The following SMYD3 variants were observed in gnomAD, a reference collection of about 807,000 sequenced individuals.
The protein encoded by SMYD3 is SET and MYND domain containing 3.
SMYD3 carries 36 observed loss-of-function variants against 57.7 expected under a neutral mutation model. The ratio of observed to expected loss-of-function variants is 0.62; its 90% CI spans 0.48 to 0.82. The LOEUF (loss-of-function observed/expected upper bound fraction) is 0.82, where lower values mean the gene tolerates loss of function less well. Among genes scored for constraint, SMYD3 ranks in the 40% least tolerant of loss-of-function variants. The probability of loss-of-function intolerance (pLI) is 0.00; values close to 1 mark genes in which losing one functional copy is unlikely to be tolerated. For synonymous variants in SMYD3, 211 were observed against 195.0 expected (o/e 1.08, Z -0.68); for missense variants, 515 against 538.8 (o/e 0.96, Z 0.44).
intron 5 of SMYD3, among the ~76,000 whole-genome samples, chr1:246,236,914 C>T (rs888005499): frequency 6.6e-6 from 1 of 152,142 alleles, no homozygotes; most frequent in Non-Finnish European, 1.5e-5. Flanking sequence ...CCAAACCAAG[C>T]GAGAGACAAG....
At chr1:245,927,559 C>A (rs1197875347) in intron 7 of SMYD3, among the ~76,000 whole-genome samples, 1 of 149,800 alleles carries the variant, frequency 6.7e-6, no homozygotes, top group Non-Finnish European at 1.5e-5. Flanking sequence ...AGCTGGGATG[C>A]CCCCCCCTGC....
chr1:246,326,723 C>T (rs2065359630), intron 5 of SMYD3: 1 of 284,780 alleles, frequency 3.5e-6, no homozygotes. Flanking sequence ...GAGATCGCAC[C>T]ACTACACTCA....
chr1:246,072,231 T>A lies in SMYD3; in HGVS notation c.532-142294A>T, dbSNP rs71533454. On this transcript the variant is annotated intron_variant, in intron 5 of 11. Transcript: ENST00000490107. ...TTTCCACTGTGCTCACTGTGGATGCTTCCTGTTAGTTCTGGGGAGGGATTC... is the reference window on the plus strand; with the variant it reads ...TTTCCACTGTGCTCACTGTGGATGCATCCTGTTAGTTCTGGGGAGGGATTC... Among the ~76,000 whole-genome samples, 40 of 101,172 alleles carry A rather than the reference T, an allele frequency of 4.0e-4. 1 individual carries two copies. The highest frequency in any genetic ancestry group is 2.2e-3 in the East Asian group (9 of 4,022). The allele number at this position is 101,172 out of a possible 152,430, so 66.4% of individuals were successfully genotyped here.
intron 1 of SMYD3, among the ~76,000 whole-genome samples, chr1:246,449,046 A>G (rs2103027314): frequency 6.6e-6 from 1 of 152,246 alleles, no homozygotes; most frequent in Admixed American, 6.5e-5. Flanking sequence ...TGGGAAACAT[A>G]GTGAGACCCA....
At chr1:245,927,681 TCA>T (rs2056466795) in intron 7 of SMYD3, among the ~76,000 whole-genome samples, 1 of 152,168 alleles carries the variant, frequency 6.6e-6, no homozygotes, top group Non-Finnish European at 1.5e-5. Context: ...CCTCTCTCTC[TCA>T]CACACAGGAC....
rs570202436 is a variant in SMYD3 at position 246,252,996 on chromosome 1, C to T, written c.531+74205G>A. Among the ~76,000 whole-genome samples, 11 of 152,270 alleles carry T rather than the reference C, an allele frequency of 7.2e-5. No homozygotes were observed. In the South Asian group the frequency reaches 2.3e-3, roughly 32 times the overall value. ...CATGTGATGGCAATACTCAACCAAA[C>T]ATGTATTTCAAATGATATGTTATTT... On this transcript the variant is annotated intron_variant, in intron 5 of 11. Coordinates refer to ENST00000490107, the MANE Select transcript of SMYD3 (RefSeq NM_001167740.2).
At chr1:246,017,101 T>TA (rs2059390726) in intron 5 of SMYD3, among the ~76,000 whole-genome samples, 1 of 152,224 alleles carries the variant, frequency 6.6e-6, no homozygotes, top group South Asian at 2.1e-4. Context: ...TTCTGATACA[T>TA]ACTGTTGCCA....
chr1:246,038,480 C>T (rs2059815111), intron 5 of SMYD3, among the ~76,000 whole-genome samples: 1 of 152,192 alleles, frequency 6.6e-6, no homozygotes, highest in South Asian at 2.1e-4. Context: ...GAGCGAGCAT[C>T]CTGGTGGGAG....
intron 1 of SMYD3, among the ~76,000 whole-genome samples, chr1:246,360,697 GAAAGGACACCCTATTCAAC>G (rs1414376352): frequency 1.3e-5 from 2 of 152,154 alleles, no homozygotes; most frequent in Non-Finnish European, 2.9e-5. Context: ...ATAAAGTAGG[GAAAGGACACCCTATTCAAC>G]AAATAGTGCT....
At chr1:245,827,549 G>A (rs983300760) in intron 10 of SMYD3, among the ~76,000 whole-genome samples, 3 of 152,092 alleles carry the variant, frequency 2.0e-5, no homozygotes, top group Admixed American at 6.5e-5. Context: ...ACGCACTCCC[G>A]GTATTTCGCT....
intron 11 of SMYD3, among the ~76,000 whole-genome samples, chr1:245,758,947 C>T (rs906142494): frequency 2.6e-5 from 4 of 152,222 alleles, no homozygotes; most frequent in East Asian, 1.9e-4. Context: ...CTGCTTTAGC[C>T]GGCTTTCTCT....
intron 5 of SMYD3, among the ~76,000 whole-genome samples, chr1:246,005,627 G>C (rs1158320943): frequency 2.6e-5 from 4 of 152,224 alleles, no homozygotes; most frequent in Non-Finnish European, 5.9e-5. Context: ...TCTGCAGAGA[G>C]TCATATGGGC....
At chr1:246,016,131 C>A (rs898417428) in intron 5 of SMYD3, among the ~76,000 whole-genome samples, 4 of 151,852 alleles carry the variant, frequency 2.6e-5, no homozygotes, top group Non-Finnish European at 5.9e-5. Context: ...GCCAGGCACT[C>A]TGGCTCACGC....
At chr1:246,262,830 T>C (rs1156263437) in intron 5 of SMYD3, among the ~76,000 whole-genome samples, 2 of 152,138 alleles carry the variant, frequency 1.3e-5, no homozygotes, top group Non-Finnish European at 2.9e-5. Context: ...TGTTAAAACA[T>C]GTATTTTAAA....
chr1:246,186,599 A>G, intron 5 of SMYD3: 1 of 243,150 alleles, frequency 4.1e-6, no homozygotes, highest in Non-Finnish European at 6.6e-6. Context: ...TTAATTGCTA[A>G]CTTTCTGAAA....
Position 246,202,954 on chromosome 1 carries a change from G to A in SMYD3, c.531+124247C>T, listed in dbSNP as rs1299561841. Among the ~76,000 whole-genome samples, 3 of 151,944 alleles carry A rather than the reference G, an allele frequency of 2.0e-5. No homozygotes were observed. The highest frequency in any genetic ancestry group is 7.2e-5 in the African/African-American group (3 of 41,380). ...CAGCCTGGCCAATATGGGAAAACCC[G>A]TCTCTACTAAAAATACAAAATTTAG... On this transcript the variant is annotated intron_variant, in intron 5 of 11. Transcript: ENST00000490107. The surrounding 1 kb of genome is among the most constrained non-coding windows in gnomAD (Gnocchi z 4.1).
chr1:245,766,438 C>A (rs975877906), intron 10 of SMYD3, among the ~76,000 whole-genome samples: 1 of 146,412 alleles, frequency 6.8e-6, no homozygotes, highest in African/African-American at 2.5e-5. Flanking sequence ...GAAAAGGGAG[C>A]GGAAGGGGGA....
intron 5 of SMYD3, among the ~76,000 whole-genome samples, chr1:246,207,897 C>A (rs1572213843): frequency 7.5e-6 from 1 of 133,896 alleles, no homozygotes; most frequent in African/African-American, 2.9e-5. Flanking sequence ...TGGACAATAA[C>A]CTGGGGAGCA....
intron 5 of SMYD3, among the ~76,000 whole-genome samples, chr1:246,147,857 G>C (rs866886965): frequency 6.6e-6 from 1 of 152,122 alleles, no homozygotes; most frequent in Non-Finnish European, 1.5e-5. Context: ...GAACTCCGCA[G>C]GTGCAGACCT....
Sources: gnomAD v4.1 joint callset for allele counts (sites outside exome capture counted in the v4.1 genomes callset) on GRCh38, gnomAD v4.1.1 for gene constraint, Gnocchi (gnomAD v3.1) non-coding constraint, MANE v1.5 for transcripts, NCBI Gene and HGNC (gene_info 2026-07-23, HGNC 2026-07-21) for gene names.